ADGRG6: variants seen among roughly 807,000 people sequenced by gnomAD.
ADGRG6 encodes the protein G-protein coupled receptor 126.
Under a neutral mutation model 142.4 loss-of-function variants are expected in ADGRG6, and 84 were observed. That is an observed-to-expected ratio of 0.59 (90% CI 0.49 to 0.71). The LOEUF (loss-of-function observed/expected upper bound fraction) is 0.71, where lower values mean the gene tolerates loss of function less well. Ranked by LOEUF, ADGRG6 falls within the 30% of genes least tolerant of loss-of-function variation. ADGRG6 has a pLI of 0.00. For synonymous variants in ADGRG6, 521 were observed against 520.5 expected (o/e 1.00, Z -0.01); for missense variants, 1,367 against 1,466.6 (o/e 0.93, Z 1.11).
chr6:142,440,899 A>G (rs370993560), intron 24 of ADGRG6: 37 of 1,363,630 alleles, frequency 2.7e-5, no homozygotes, highest in Admixed American at 7.3e-5. Flanking sequence ...TCATATGTTT[A>G]TGGTATAGAT....
At chr6:142,333,473 G>A (rs748107431) in intron 2 of ADGRG6, among the ~76,000 whole-genome samples, 2 of 152,150 alleles carry the variant, frequency 1.3e-5, no homozygotes, top group African/African-American at 4.8e-5. Flanking sequence ...ACTGAATGTT[G>A]CAGTCAGGCA....
chr6:142,399,328 T>C (rs1775379529), intron 10 of ADGRG6, among the ~76,000 whole-genome samples: 1 of 152,136 alleles, frequency 6.6e-6, no homozygotes, highest in Non-Finnish European at 1.5e-5. Context: ...AAAGAACTCA[T>C]AGAGATGGAT....
intron 2 of ADGRG6, among the ~76,000 whole-genome samples, chr6:142,322,799 T>A (rs1003894445): frequency 6.6e-6 from 1 of 152,136 alleles, no homozygotes; most frequent in African/African-American, 2.4e-5. Flanking sequence ...GAGTGGTTTA[T>A]CATCTATTTA....
chr6:142,376,019 G>A (rs1034715020), intron 4 of ADGRG6, among the ~76,000 whole-genome samples: 2 of 152,008 alleles, frequency 1.3e-5, no homozygotes, highest in East Asian at 3.9e-4. Flanking sequence ...TTAAAAACAT[G>A]GTTAAACCTG....
chr6:142,408,260 A>G lies in ADGRG6; in HGVS notation c.2379A>G (p.Thr793=). ...CTGTTCAAATAAAAATCAAACATAC[A>G]AGAACTCAGGTAAGAAAACGCTCCC... ...KDPVQIKIKH[T]RTQEVHHPIC... Residue 793 remains threonine, a synonymous_variant, in exon 16 of 25, where the codon ACA becomes ACG. Transcript: ENST00000367609. 6.4e-7 allele frequency: 1 copy of G among 1,563,592 alleles called. No individual in the cohort carries two copies. The highest frequency in any genetic ancestry group is 8.7e-7 in the Non-Finnish European group (1 of 1,151,818).
At chr6:142,415,300 C>T (rs1776297867) in intron 19 of ADGRG6, among the ~76,000 whole-genome samples, 2 of 152,004 alleles carry the variant, frequency 1.3e-5, no homozygotes, top group South Asian at 2.1e-4. Context: ...TTATAAAATG[C>T]ATTCAAATCT....
intron 2 of ADGRG6, among the ~76,000 whole-genome samples, chr6:142,317,728 A>G (rs868155082): frequency 9.3e-6 from 1 of 107,550 alleles, no homozygotes. Context: ...ATTATATATT[A>G]ATATATATTT....
chr6:142,321,797 G>C (rs540426652), intron 2 of ADGRG6, among the ~76,000 whole-genome samples: 32 of 152,124 alleles, frequency 2.1e-4, no homozygotes, highest in African/African-American at 7.5e-4. Context: ...AAAACTCATT[G>C]AACAGCTTAG....
chr6:142,407,170 TAAAAAAAAAAA>T (rs11414768), intron 15 of ADGRG6, among the ~76,000 whole-genome samples: 1 of 121,034 alleles, frequency 8.3e-6, no homozygotes, highest in Admixed American at 8.5e-5. Flanking sequence ...CCCGTCTCTT[TAAAAAAAAAAA>T]AAAAAAAAAG....
At chr6:142,428,911 A>C (rs1406614537) in intron 22 of ADGRG6, among the ~76,000 whole-genome samples, 1 of 152,238 alleles carries the variant, frequency 6.6e-6, no homozygotes, top group African/African-American at 2.4e-5. Context: ...AAAAATTAAA[A>C]GATAAGTGTA....
intron 15 of ADGRG6, among the ~76,000 whole-genome samples, chr6:142,407,445 T>C (rs1371725980): frequency 6.6e-6 from 1 of 152,126 alleles, no homozygotes; most frequent in Admixed American, 6.6e-5. Context: ...AAACAACTGA[T>C]TTGTAAGCTA....
At chr6:142,436,783 A>G (rs900196119) in intron 22 of ADGRG6, among the ~76,000 whole-genome samples, 5 of 152,330 alleles carry the variant, frequency 3.3e-5, no homozygotes, top group African/African-American at 9.6e-5. Context: ...TAAGATACAA[A>G]TGACACAGAT....
At chr6:142,397,124 T>A (rs1775237523) in intron 9 of ADGRG6, among the ~76,000 whole-genome samples, 1 of 152,144 alleles carries the variant, frequency 6.6e-6, no homozygotes. Flanking sequence ...GAAGAAATTA[T>A]ATCACATTCA....
At chr6:142,352,931 G>A (rs1332218749) in intron 2 of ADGRG6, among the ~76,000 whole-genome samples, 1 of 152,060 alleles carries the variant, frequency 6.6e-6, no homozygotes, top group Non-Finnish European at 1.5e-5. Flanking sequence ...ATTTCAGAGG[G>A]CATGCCACAA....
At chr6:142,407,324 T>C (rs1775858830) in intron 15 of ADGRG6, among the ~76,000 whole-genome samples, 1 of 152,054 alleles carries the variant, frequency 6.6e-6, no homozygotes. Flanking sequence ...ACTGAAAGGC[T>C]GGGTATCACC....
At chr6:142,307,572 T>A (rs1013379863) in intron 1 of ADGRG6, among the ~76,000 whole-genome samples, 33 of 152,008 alleles carry the variant, frequency 2.2e-4, no homozygotes, top group Non-Finnish European at 2.9e-4. Flanking sequence ...TTCCAGTTCT[T>A]TTTGGTGGGT....
At chr6:142,419,644 T>C (rs547885489) in intron 21 of ADGRG6, among the ~76,000 whole-genome samples, 177 bp from the exon 22 acceptor site, 40 of 152,068 alleles carry the variant, frequency 2.6e-4, no homozygotes, top group Non-Finnish European at 4.7e-4. Context: ...CAAAAACAAA[T>C]GAACAAAAGA....
At chr6:142,370,901 C>G (rs779966383) in intron 4 of ADGRG6, 108 bp downstream of exon 4, 1 of 1,064,248 alleles carries the variant, frequency 9.4e-7, no homozygotes, top group South Asian at 1.4e-5. Context: ...TATGTATATT[C>G]ACACATATAG....
At chr6:142,436,717 G>T (rs959386586) in intron 22 of ADGRG6, among the ~76,000 whole-genome samples, 6 of 152,160 alleles carry the variant, frequency 3.9e-5, no homozygotes, top group Admixed American at 1.3e-4. Context: ...GATGCCTCAA[G>T]GAGAGGTTTA....
Sources: allele counts gnomAD v4.1 joint callset (sites outside exome capture counted in the v4.1 genomes callset), GRCh38; gene constraint gnomAD v4.1.1; transcripts MANE v1.5; gene names NCBI Gene and HGNC (gene_info 2026-07-23, HGNC 2026-07-21).